The following ANKIB1 variants were observed in gnomAD, a reference collection of about 807,000 sequenced individuals.
ANKIB1 encodes ankyrin repeat and IBR domain-containing protein 1.
In ANKIB1, 43 loss-of-function variants were observed where a neutral mutation model predicts 122.1. The observed-to-expected ratio is 0.35, with a 90% CI of 0.28 to 0.45. The LOEUF is 0.45. ANKIB1 is among the 20% of genes least tolerant of loss of function. ANKIB1 has a pLI of 1.00. For missense variants in ANKIB1, 992 were observed against 1,329.5 expected (o/e 0.75, Z 3.95); for synonymous variants, 390 against 442.0 (o/e 0.88, Z 1.48).
At chr7:92,311,337 G>GT (rs1314995797) in intron 3 of ANKIB1, among the ~76,000 whole-genome samples, 1 of 152,116 alleles carries the variant, frequency 6.6e-6, no homozygotes, top group Non-Finnish European at 1.5e-5. Flanking sequence ...CACTGTAATA[G>GT]TTTCCTCTTG....
intron 2 of ANKIB1, among the ~76,000 whole-genome samples, chr7:92,295,528 A>G (rs1302902224): frequency 6.6e-6 from 1 of 152,186 alleles, no homozygotes; most frequent in Non-Finnish European, 1.5e-5. Flanking sequence ...TTAATTTACA[A>G]CATTTCAATT....
chr7:92,323,689 A>G (rs78247359), intron 4 of ANKIB1, among the ~76,000 whole-genome samples: 1 of 152,326 alleles, frequency 6.6e-6, no homozygotes, highest in African/African-American at 2.4e-5. Context: ...GGTGAAAACA[A>G]CTCAAACGTT....
intron 9 of ANKIB1, among the ~76,000 whole-genome samples, chr7:92,354,622 TATAGG>T (rs1213421352): frequency 1.3e-5 from 2 of 152,190 alleles, no homozygotes; most frequent in East Asian, 3.8e-4. Flanking sequence ...TTTATTAAGT[TATAGG>T]ATGGATTTTT....
chr7:92,394,799 G>T (rs990975364), intron 17 of ANKIB1, among the ~76,000 whole-genome samples: 4 of 152,054 alleles, frequency 2.6e-5, no homozygotes, highest in African/African-American at 9.7e-5. Context: ...TAAACCCTCA[G>T]GGCACTTGGA....
chr7:92,288,282 A>G (rs567242743), intron 1 of ANKIB1, among the ~76,000 whole-genome samples: 75 of 152,348 alleles, frequency 4.9e-4, no homozygotes, highest in Admixed American at 2.7e-3. Context: ...GTACTTAGGT[A>G]TAAATCTGAC....
chr7:92,345,248 C>T (rs368171976), intron 7 of ANKIB1, among the ~76,000 whole-genome samples, 182 bp downstream of exon 7: 1 of 152,138 alleles, frequency 6.6e-6, no homozygotes, highest in Non-Finnish European at 1.5e-5. Context: ...TACGTCTTCC[C>T]CAGCTATTTT....
intron 1 of ANKIB1, among the ~76,000 whole-genome samples, chr7:92,260,036 T>A (rs1221059126): frequency 6.6e-6 from 1 of 152,174 alleles, no homozygotes; most frequent in Non-Finnish European, 1.5e-5. Flanking sequence ...TCACCCCCAT[T>A]AGTCTTCTTA....
chr7:92,369,243 C>T (rs1173032466), intron 10 of ANKIB1, among the ~76,000 whole-genome samples: 1 of 152,184 alleles, frequency 6.6e-6, no homozygotes, highest in Admixed American at 6.5e-5. Context: ...CCACCAACAC[C>T]TTAATCAAAC....
intron 11 of ANKIB1, among the ~76,000 whole-genome samples, chr7:92,372,472 G>C (rs2115644283): frequency 6.6e-6 from 1 of 152,140 alleles, no homozygotes; most frequent in South Asian, 2.1e-4. Flanking sequence ...TGGATACCAG[G>C]GAACACCTAT....
At chr7:92,261,422 T>G (rs111989638) in intron 1 of ANKIB1, among the ~76,000 whole-genome samples, 1 of 146,994 alleles carries the variant, frequency 6.8e-6, no homozygotes. Context: ...TTGTTTTGTT[T>G]TGTTTGGCAA....
At chr7:92,371,950 GGTGTGTGT>G (rs55936298) in intron 11 of ANKIB1, among the ~76,000 whole-genome samples, 12,464 of 117,942 alleles carry the variant, frequency 0.11, 704 homozygotes, top group Middle Eastern at 0.13. Flanking sequence ...TTGAGAGAGG[GGTGTGTGT>G]GTGTGTGTGT....
At chr7:92,246,772 C>G (rs1448988966) in intron 1 of ANKIB1, among the ~76,000 whole-genome samples, 1 of 152,206 alleles carries the variant, frequency 6.6e-6, no homozygotes, top group Non-Finnish European at 1.5e-5. Context: ...CATCTGGATG[C>G]ATCTCCTTGT....
intron 10 of ANKIB1, among the ~76,000 whole-genome samples, chr7:92,362,663 A>G (rs967261620): frequency 2.0e-5 from 3 of 152,216 alleles, no homozygotes; most frequent in Non-Finnish European, 4.4e-5. Flanking sequence ...CTTCCAATGA[A>G]GGATGCAGCA....
At chr7:92,328,970 CTTTT>C (rs766176211) in intron 5 of ANKIB1, among the ~76,000 whole-genome samples, 1 of 138,184 alleles carries the variant, frequency 7.2e-6, no homozygotes, top group Non-Finnish European at 1.6e-5. Context: ...CACAAACACA[CTTTT>C]TTTTTTTTTT....
chr7:92,312,731 CATT>C (rs1023906221), intron 3 of ANKIB1, among the ~76,000 whole-genome samples: 1 of 152,066 alleles, frequency 6.6e-6, no homozygotes, highest in Non-Finnish European at 1.5e-5. Context: ...TGTAAAATAA[CATT>C]ATCAATATGT....
intron 1 of ANKIB1, among the ~76,000 whole-genome samples, chr7:92,272,897 C>T (rs1306513995): frequency 6.6e-6 from 1 of 152,134 alleles, no homozygotes; most frequent in East Asian, 1.9e-4. Context: ...GGCTATAAAC[C>T]TGTACAGCAT....
intron 14 of ANKIB1, among the ~76,000 whole-genome samples, chr7:92,389,317 T>C (rs761426718): frequency 8.4e-4 from 128 of 152,160 alleles, no homozygotes; most frequent in Admixed American, 2.5e-3. Context: ...TCATGCTTAA[T>C]TTCTGGTTTT....
chr7:92,395,799 A>G (rs1172075425), intron 17 of ANKIB1: 1 of 152,216 alleles, frequency 6.6e-6, no homozygotes, highest in African/African-American at 2.4e-5. Context: ...TCGGCCTCCC[A>G]AAGTACTGGG....
chr7:92,369,165 A>G (rs1268961986), intron 10 of ANKIB1, among the ~76,000 whole-genome samples: 1 of 152,208 alleles, frequency 6.6e-6, no homozygotes, highest in South Asian at 2.1e-4. Flanking sequence ...GCTTGGCCTT[A>G]TTAGCCCTAA....
Sources: gnomAD v4.1 joint callset for allele counts (sites outside exome capture counted in the v4.1 genomes callset) on GRCh38, gnomAD v4.1.1 for gene constraint, MANE v1.5 for transcripts, NCBI Gene and HGNC (gene_info 2026-07-23, HGNC 2026-07-21) for gene names.